Variants in MORN5 observed in about 807,000 individuals in gnomAD.
The protein encoded by MORN5 is MORN repeat containing 5, also known as MORN repeat-containing protein 5.
MORN5 carries 21 observed loss-of-function variants against 22.1 expected under a neutral mutation model. That is an observed-to-expected ratio of 0.95 (90% CI 0.67 to 1.37). MORN5 has a LOEUF of 1.37. Ranked by LOEUF, MORN5 falls within the 40% of genes most tolerant of loss-of-function variation. The pLI is 0.00. For synonymous variants in MORN5, 73 were observed against 74.0 expected, an observed-to-expected ratio of 0.99 and a Z score of 0.07; for missense variants, 211 against 215.1, an observed-to-expected ratio of 0.98 and a Z score of 0.12.
intron 4 of MORN5, chr9:122,174,834 C>T (rs1829424524): frequency 4.3e-6 from 6 of 1,397,200 alleles, no homozygotes; most frequent in South Asian, 1.4e-5. Context: ...AAAGCACATT[C>T]GTGGTCTAGC....
chr9:122,188,002 T>C (rs1211781442), intron 4 of MORN5, among the ~76,000 whole-genome samples: 1 of 152,034 alleles, frequency 6.6e-6, no homozygotes, highest in Non-Finnish European at 1.5e-5. Flanking sequence ...GTGCTCCAGA[T>C]GGAGCAGCTG....
intron 1 of MORN5, among the ~76,000 whole-genome samples, chr9:122,160,557 C>G (rs765697652): frequency 6.6e-6 from 1 of 151,464 alleles, no homozygotes; most frequent in Non-Finnish European, 1.5e-5. Flanking sequence ...TTCCTTCCTT[C>G]CTTCCTTTTT....
intron 1 of MORN5, chr9:122,164,769 T>C (rs1829251406): frequency 1.9e-4 from 35 of 181,208 alleles, no homozygotes; most frequent in Non-Finnish European, 3.6e-4. Flanking sequence ...GAAGAGGAAT[T>C]CTCCCTTCCC....
intron 1 of MORN5, among the ~76,000 whole-genome samples, chr9:122,163,335 G>A (rs1646772847): frequency 6.6e-6 from 1 of 152,228 alleles, no homozygotes; most frequent in Non-Finnish European, 1.5e-5. Flanking sequence ...CCTGCCCAAA[G>A]TCACCCAGTT....
intron 4 of MORN5, among the ~76,000 whole-genome samples, chr9:122,189,415 A>G (rs1163698267): frequency 6.6e-6 from 1 of 152,036 alleles, no homozygotes; most frequent in African/African-American, 2.4e-5. Flanking sequence ...ACAACAATCC[A>G]AGACCCCATA....
intron 1 of MORN5, among the ~76,000 whole-genome samples, chr9:122,163,533 G>A (rs1010120672): frequency 6.6e-6 from 1 of 152,232 alleles, no homozygotes; most frequent in Non-Finnish European, 1.5e-5. Context: ...TAGGTGGTTG[G>A]AGATGCAAGG....
chr9:122,177,515 C>T (rs1829470855), intron 4 of MORN5, among the ~76,000 whole-genome samples: 1 of 152,194 alleles, frequency 6.6e-6, no homozygotes, highest in Non-Finnish European at 1.5e-5. Context: ...TCCCTGCAAC[C>T]TCTGCCTCCC....
intron 4 of MORN5, among the ~76,000 whole-genome samples, chr9:122,183,657 G>A (rs768407931): frequency 2.6e-5 from 4 of 152,062 alleles, no homozygotes; most frequent in African/African-American, 4.8e-5. Flanking sequence ...CAAGATTCCC[G>A]CCAACATTAT....
chr9:122,186,482 C>T (rs1187337373), intron 4 of MORN5, among the ~76,000 whole-genome samples: 3 of 152,152 alleles, frequency 2.0e-5, no homozygotes, highest in South Asian at 2.1e-4. Flanking sequence ...CTACAGAGGG[C>T]GGGATTGGCC....
Position 122,197,546 on chromosome 9 carries a change from G to C in MORN5, c.440-2339G>C, listed in dbSNP as rs1032651206. Among the ~76,000 whole-genome samples the C allele has an allele frequency of 6.6e-6, 1 of 152,200 alleles. No individual in the cohort carries two copies. The highest frequency in any genetic ancestry group is 1.5e-5 in the Non-Finnish European group (1 of 68,032). ...GGGAGGCGGAGGGAGGGGTTGGTGAGCAGCTGCTGGGAGGGGAGGCATCTG... is the reference window on the plus strand; with the variant it reads ...GGGAGGCGGAGGGAGGGGTTGGTGACCAGCTGCTGGGAGGGGAGGCATCTG... On this transcript the variant is annotated intron_variant, in intron 4 of 4. Coordinates refer to ENST00000373764, the MANE Select transcript of MORN5 (RefSeq NM_198469.4). This position sits in a 1 kb window ranked among gnomAD's most constrained non-coding sequence, Gnocchi z 5.7.
chr9:122,195,135 C>T (rs973061745), intron 4 of MORN5, among the ~76,000 whole-genome samples: 1 of 152,042 alleles, frequency 6.6e-6, no homozygotes, highest in Non-Finnish European at 1.5e-5. Flanking sequence ...GAAGGGATGT[C>T]CACTCCTCTT....
chr9:122,177,501 T>G (rs573256362), intron 4 of MORN5, among the ~76,000 whole-genome samples: 3 of 152,306 alleles, frequency 2.0e-5, no homozygotes, highest in South Asian at 4.1e-4. Flanking sequence ...GACGCGATCT[T>G]GGCTCCCTGC....
chr9:122,179,915 T>C (rs547775236), intron 4 of MORN5, among the ~76,000 whole-genome samples: 34 of 152,330 alleles, frequency 2.2e-4, no homozygotes, highest in African/African-American at 7.7e-4. Context: ...GGGCCTCAGA[T>C]GGGTGACTGA....
intron 4 of MORN5, among the ~76,000 whole-genome samples, chr9:122,189,052 C>T (rs907235077): frequency 1.2e-4 from 18 of 151,870 alleles, no homozygotes; most frequent in African/African-American, 2.7e-4. Flanking sequence ...AAAATTAGCC[C>T]GGTGTGGTGG....
At chr9:122,168,192 A>G (rs1588302089) in intron 2 of MORN5, among the ~76,000 whole-genome samples, 1 of 152,310 alleles carries the variant, frequency 6.6e-6, no homozygotes, top group Admixed American at 6.5e-5. Flanking sequence ...GCACCTCAAT[A>G]TATATATGTG....
chr9:122,179,581 TGA>T (rs910626426), intron 4 of MORN5, among the ~76,000 whole-genome samples: 7 of 152,116 alleles, frequency 4.6e-5, no homozygotes, highest in Non-Finnish European at 1.0e-4. Flanking sequence ...ATCTTTAAAA[TGA>T]GAGAGTTGAA....
At chr9:122,179,244 C>T (rs536405129) in intron 4 of MORN5, among the ~76,000 whole-genome samples, 31 of 152,176 alleles carry the variant, frequency 2.0e-4, no homozygotes, top group South Asian at 6.2e-4. Flanking sequence ...AGACGAAGCC[C>T]GAGAGATGGG....
chr9:122,165,433 G>A (rs539609644), intron 1 of MORN5, among the ~76,000 whole-genome samples: 2 of 150,794 alleles, frequency 1.3e-5, no homozygotes, highest in Non-Finnish European at 2.9e-5. Flanking sequence ...AAATAAGCCA[G>A]GCGTGGTGGG....
At chr9:122,174,794 C>T in intron 4 of MORN5, 167 bp downstream of exon 4, 1 of 1,493,860 alleles carries the variant, frequency 6.7e-7, no homozygotes. Context: ...TCGTGGCTGG[C>T]AAATCTGTAC....
Sources: allele counts gnomAD v4.1 joint callset (sites outside exome capture counted in the v4.1 genomes callset), GRCh38; gene constraint gnomAD v4.1.1; non-coding constraint Gnocchi (gnomAD v3.1); transcripts MANE v1.5; gene names NCBI Gene and HGNC (gene_info 2026-07-23, HGNC 2026-07-21).